TAFA1: variants seen among roughly 807,000 people sequenced by gnomAD.
The protein encoded by TAFA1 is chemokine-like protein TAFA-1.
A neutral mutation model predicts 18.5 loss-of-function variants in TAFA1; 4 were observed. That is an observed-to-expected ratio of 0.22 (90% confidence interval 0.11 to 0.49). The LOEUF (loss-of-function observed/expected upper bound fraction) is 0.49, where lower values mean the gene tolerates loss of function less well. Ranked by LOEUF, TAFA1 falls within the 20% of genes least tolerant of loss-of-function variation. The probability of loss-of-function intolerance (pLI) is 0.98; values close to 1 mark genes in which losing one functional copy is unlikely to be tolerated. For missense variants in TAFA1, 147 were observed against 169.0 expected (o/e 0.87, Z 0.72); for synonymous variants, 56 against 55.2 (o/e 1.01, Z -0.06).
chr3:68,519,313 G>A (rs951462523), intron 3 of TAFA1, among the ~76,000 whole-genome samples: 2 of 152,168 alleles, frequency 1.3e-5, no homozygotes, highest in South Asian at 4.1e-4. Flanking sequence ...AAGGAGGCAG[G>A]CCCTCACAAG....
intron 2 of TAFA1, among the ~76,000 whole-genome samples, chr3:68,045,323 G>A (rs569847851): frequency 2.6e-5 from 4 of 152,252 alleles, no homozygotes; most frequent in East Asian, 1.9e-4. Context: ...ATATGTGCGA[G>A]TCCAATGTTC....
At chr3:68,479,367 T>G (rs968279294) in intron 3 of TAFA1, among the ~76,000 whole-genome samples, 8 of 151,810 alleles carry the variant, frequency 5.3e-5, no homozygotes. Context: ...AATAACAGCT[T>G]TAGACATTGT....
chr3:68,032,142 C>T (rs2106654461), intron 2 of TAFA1, among the ~76,000 whole-genome samples: 1 of 152,134 alleles, frequency 6.6e-6, no homozygotes, highest in South Asian at 2.1e-4. Flanking sequence ...TCTTTGAGAA[C>T]AAAGTAACAG....
chr3:68,297,827 T>C lies in TAFA1; in HGVS notation c.119-119453T>C, dbSNP rs112794599. On this transcript the variant is annotated intron_variant, in intron 2 of 4. Coordinates refer to ENST00000478136, the MANE Select transcript of TAFA1 (RefSeq NM_213609.4). Reference sequence around the variant, plus strand: ...TTTTGCTTTCCTCCTTGTGAAATTTTCTTTGTAAGTTAATATTCTATTTAT... The same window carrying C: ...TTTTGCTTTCCTCCTTGTGAAATTTCCTTTGTAAGTTAATATTCTATTTAT... Among the ~76,000 whole-genome samples, 378 of 152,296 alleles carry C rather than the reference T, an allele frequency of 2.5e-3. 2 individuals are homozygous for C. Among genetic ancestry groups the C allele is most frequent in the South Asian group, 0.017 (80 of 4,824 alleles).
At chr3:67,999,405 G>A (rs1485601173), upstream of TAFA1, among the ~76,000 whole-genome samples, 2 of 151,960 alleles carry the variant, frequency 1.3e-5, no homozygotes, top group Admixed American at 6.6e-5. Context: ...AATTTACCAC[G>A]TTCCCTTGAG....
intron 2 of TAFA1, among the ~76,000 whole-genome samples, chr3:68,196,956 A>G (rs1472602414): frequency 6.6e-6 from 1 of 151,772 alleles, no homozygotes; most frequent in Non-Finnish European, 1.5e-5. Flanking sequence ...AATGGATTTC[A>G]CAGAAGAAAG....
chr3:68,437,232 C>T (rs1033069863), intron 3 of TAFA1, among the ~76,000 whole-genome samples: 1 of 152,116 alleles, frequency 6.6e-6, no homozygotes, highest in Admixed American at 6.5e-5. Context: ...AGAATGTTCC[C>T]AGCTTAATCC....
intron 3 of TAFA1, among the ~76,000 whole-genome samples, chr3:68,508,897 A>G (rs747397309): frequency 6.6e-6 from 1 of 152,038 alleles, no homozygotes; most frequent in Non-Finnish European, 1.5e-5. Context: ...AAGTAAATGC[A>G]TGAGGGAAGA....
At chr3:68,169,351 G>A (rs2066023770) in intron 2 of TAFA1, among the ~76,000 whole-genome samples, 2 of 152,342 alleles carry the variant, frequency 1.3e-5, no homozygotes, top group Middle Eastern at 3.4e-3. Context: ...CGAACTGCCA[G>A]CTCTGTGATT....
At chr3:68,465,684 G>A (rs558563348) in intron 3 of TAFA1, among the ~76,000 whole-genome samples, 13 of 152,232 alleles carry the variant, frequency 8.5e-5, no homozygotes, top group South Asian at 2.1e-4. Flanking sequence ...TGGCCACTTC[G>A]TCTCTAGCCA....
At chr3:68,437,742 G>C (rs1559669837) in intron 3 of TAFA1, among the ~76,000 whole-genome samples, 1 of 152,004 alleles carries the variant, frequency 6.6e-6, no homozygotes, top group Non-Finnish European at 1.5e-5. Flanking sequence ...TGCCACACTG[G>C]GGATTAAGTT....
intron 2 of TAFA1, among the ~76,000 whole-genome samples, chr3:68,194,428 A>G (rs2066386610): frequency 6.6e-6 from 1 of 151,744 alleles, no homozygotes; most frequent in Non-Finnish European, 1.5e-5. Flanking sequence ...AAAAGATGAG[A>G]CTAACCAGAC....
At chr3:68,060,527 G>T (rs569893122) in intron 2 of TAFA1, among the ~76,000 whole-genome samples, 3 of 152,214 alleles carry the variant, frequency 2.0e-5, no homozygotes, top group Admixed American at 6.5e-5. Flanking sequence ...GAAGCGGACA[G>T]GTGTGTGGAC....
intron 2 of TAFA1, among the ~76,000 whole-genome samples, chr3:68,343,042 G>T (rs1433024873): frequency 6.6e-6 from 1 of 152,124 alleles, no homozygotes; most frequent in African/African-American, 2.4e-5. Context: ...GTAGGGGTGG[G>T]TGAGGATCTA....
intron 3 of TAFA1, among the ~76,000 whole-genome samples, chr3:68,465,814 A>C (rs1326739729): frequency 2.0e-5 from 3 of 150,768 alleles, no homozygotes; most frequent in Non-Finnish European, 4.4e-5. Context: ...TAACTGAAAA[A>C]TGTTGTCTGT....
intron 2 of TAFA1, among the ~76,000 whole-genome samples, chr3:68,041,767 C>T (rs573725845): frequency 1.4e-4 from 21 of 152,246 alleles, no homozygotes; most frequent in Middle Eastern, 3.4e-3. Flanking sequence ...ACCTTTGATT[C>T]GAATGTATCT....
chr3:68,395,014 C>T (rs1451264207), intron 2 of TAFA1, among the ~76,000 whole-genome samples: 2 of 152,084 alleles, frequency 1.3e-5, no homozygotes. Context: ...AACAGGCAAC[C>T]TACCGAATGG....
chr3:68,264,026 T>C (rs1426353660), intron 2 of TAFA1, among the ~76,000 whole-genome samples: 1 of 152,190 alleles, frequency 6.6e-6, no homozygotes, highest in African/African-American at 2.4e-5. Context: ...GCACAGTGGC[T>C]CATGCCTGCA....
intron 2 of TAFA1, among the ~76,000 whole-genome samples, chr3:68,142,439 G>T (rs764054889): frequency 1.3e-5 from 2 of 152,130 alleles, no homozygotes; most frequent in South Asian, 4.2e-4. Context: ...TTAGTGTGGC[G>T]CCCAGAGCTC....
Sources: gnomAD v4.1 joint callset for allele counts (sites outside exome capture counted in the v4.1 genomes callset) on GRCh38, gnomAD v4.1.1 for gene constraint, MANE v1.5 for transcripts, NCBI Gene and HGNC (gene_info 2026-07-23, HGNC 2026-07-21) for gene names.